Variants in EHMT1 observed in about 807,000 individuals in gnomAD.
EHMT1 encodes the protein euchromatic histone lysine methyltransferase 1.
In EHMT1, 15 loss-of-function variants were observed where a neutral mutation model predicts 147.2. The observed-to-expected ratio is 0.10, with a 90% CI of 0.07 to 0.16. The LOEUF (loss-of-function observed/expected upper bound fraction) is 0.16. EHMT1 is among the 10% of genes least tolerant of loss of function. The probability of loss-of-function intolerance (pLI) is 1.00; values close to 1 mark genes in which losing one functional copy is unlikely to be tolerated. For missense variants in EHMT1, 1,587 were observed against 1,772.4 expected, an observed-to-expected ratio of 0.90 and a Z score of 1.88; for synonymous variants, 795 against 709.6, an observed-to-expected ratio of 1.12 and a Z score of -1.91.
intron 3 of EHMT1, among the ~76,000 whole-genome samples, chr9:137,721,716 G>A (rs1404253901): frequency 6.6e-6 from 1 of 151,930 alleles, no homozygotes; most frequent in African/African-American, 2.4e-5. Context: ...CATCTTTGGT[G>A]AAATGTCTTT....
intron 16 of EHMT1, among the ~76,000 whole-genome samples, chr9:137,791,454 A>G (rs1217859512): frequency 1.3e-5 from 2 of 152,244 alleles, no homozygotes; most frequent in East Asian, 3.8e-4. Context: ...TTGCATTTCT[A>G]TATACTTTGA....
intron 18 of EHMT1, among the ~76,000 whole-genome samples, chr9:137,803,643 G>A (rs943125519): frequency 2.0e-5 from 3 of 152,066 alleles, no homozygotes; most frequent in African/African-American, 7.2e-5. Context: ...AAACCCCTGG[G>A]AGTAGAATGG....
At chr9:137,807,345 T>C (rs1386040804) in intron 18 of EHMT1, among the ~76,000 whole-genome samples, 1 of 152,196 alleles carries the variant, frequency 6.6e-6, no homozygotes, top group Admixed American at 6.5e-5. Context: ...GCTCATCCGG[T>C]CTGTGTGCTT....
chr9:137,835,974 T>C lies in EHMT1; in HGVS notation c.*1021T>C, dbSNP rs1206881625. ...AATTAGTGCAGTAACAGTGGGGTTT[T>C]TTTTGTGCAACTCTTCTAAAAACAT... is the stretch of plus-strand genomic sequence containing the variant. On this transcript the variant is annotated 3_prime_UTR_variant, in exon 27 of 27. Coordinates refer to ENST00000460843, the MANE Select transcript of EHMT1 (RefSeq NM_024757.5). 3.3e-5 allele frequency: 5 copies of C among 152,640 alleles called. No homozygotes were observed. The highest frequency in any genetic ancestry group is 7.3e-5 in the Non-Finnish European group (5 of 68,030). The allele number at this position is 152,640 out of a possible 1,614,324, so 9.5% of individuals were successfully genotyped here.
chr9:137,737,363 T>G (rs1564663705), intron 4 of EHMT1, among the ~76,000 whole-genome samples: 1 of 152,212 alleles, frequency 6.6e-6, no homozygotes, highest in African/African-American at 2.4e-5. Flanking sequence ...TTGTGTTATA[T>G]GATCAGTTGA....
At chr9:137,717,420 T>A (rs1345795306) in intron 3 of EHMT1, 1 of 621,894 alleles carries the variant, frequency 1.6e-6, no homozygotes, top group South Asian at 1.9e-5. Flanking sequence ...CTGGGCAGCG[T>A]GGCGAAACTC....
At chr9:137,806,410 G>T (rs1265873868) in intron 18 of EHMT1, among the ~76,000 whole-genome samples, 1 of 151,244 alleles carries the variant, frequency 6.6e-6, no homozygotes, top group Non-Finnish European at 1.5e-5. Context: ...CTTTTCTGTG[G>T]TGTTGGTCTG....
intron 1 of EHMT1, among the ~76,000 whole-genome samples, chr9:137,668,331 A>C (rs1939927038): frequency 3.6e-5 from 5 of 140,502 alleles, no homozygotes; most frequent in African/African-American, 8.1e-5. Context: ...CCCACCCACC[A>C]CTCACCCACC....
chr9:137,657,279 C>T (rs1435136793), intron 1 of EHMT1, among the ~76,000 whole-genome samples: 2 of 152,104 alleles, frequency 1.3e-5, no homozygotes, highest in African/African-American at 2.4e-5. Flanking sequence ...ATAGGCTTCT[C>T]CTAGAGGGAC....
chr9:137,716,870 T>G lies in EHMT1; in HGVS notation c.330T>G (p.Thr110=). The G allele has an allele frequency of 1.2e-6, 2 of 1,613,296 alleles. No individual in the cohort carries two copies. The highest frequency in any genetic ancestry group is 2.2e-5 in the South Asian group (2 of 91,092). The change falls in exon 3 of 27, where the codon ACT becomes ACG. Residue 110 remains threonine (T), a synonymous_variant. Transcript: ENST00000460843. ...DSEAAKQNHV[T]ADDFVQTSVI... is the part of the protein sequence containing the mutation. ...AAGCGGCGAAGCAAAACCACGTCAC[T>G]GCCGACGACTTTGTGCAGACTTCTG...
chr9:137,831,609 CATGCCTTG>C (rs1329456103), intron 25 of EHMT1, among the ~76,000 whole-genome samples: 1 of 152,254 alleles, frequency 6.6e-6, no homozygotes, highest in Non-Finnish European at 1.5e-5. Flanking sequence ...CTGATATTTT[CATGCCTTG>C]AAATCTTTCT....
Position 137,813,415 on chromosome 9 carries a change from C to G in EHMT1, c.3065C>G (p.Pro1022Arg), listed in dbSNP as rs1228768525. 1 of 1,613,356 alleles carries G rather than the reference C, an allele frequency of 6.2e-7. No homozygotes were observed. The highest frequency in any genetic ancestry group is 1.1e-5 in the South Asian group (1 of 90,942). Reference protein sequence around the residue: ...RDIARGYERIPIPCVNAVDSE... With the variant: ...RDIARGYERIRIPCVNAVDSE... ...ATCGCTCGAGGCTACGAGCGCATCCCCATCCCCTGTGTCAACGCCGTGGAC... is the reference window on the plus strand; with the variant it reads ...ATCGCTCGAGGCTACGAGCGCATCCGCATCCCCTGTGTCAACGCCGTGGAC... The change falls in exon 21 of 27, where the codon CCC becomes CGC. Residue 1022 changes from proline (P) to arginine (R), a missense_variant. Pro to Arg is a moderately radical substitution (Grantham distance 103). This residue lies in a region of EHMT1 where 78 missense variants were observed against 68.9 expected (regional missense o/e 1.13). Transcript: ENST00000460843. The surrounding 1 kb of genome is among the most constrained non-coding windows in gnomAD (Gnocchi z 4.9).
chr9:137,694,191 C>T (rs1273809341), intron 1 of EHMT1, among the ~76,000 whole-genome samples: 7 of 129,714 alleles, frequency 5.4e-5, no homozygotes, highest in African/African-American at 1.9e-4. Flanking sequence ...ACCCACCAGG[C>T]AATGGTGCTG....
intron 25 of EHMT1, among the ~76,000 whole-genome samples, chr9:137,827,400 C>T (rs12555172): frequency 6.6e-6 from 1 of 152,318 alleles, no homozygotes; most frequent in Admixed American, 6.5e-5. Flanking sequence ...GCCACGAACA[C>T]ACCAAAGCCT....
At chr9:137,729,290 T>C (rs1946891990) in intron 4 of EHMT1, among the ~76,000 whole-genome samples, 2 of 152,224 alleles carry the variant, frequency 1.3e-5, no homozygotes, top group Admixed American at 6.5e-5. Context: ...TTCTGGACTT[T>C]AAAAATACTT....
At chr9:137,646,223 G>T in intron 1 of EHMT1, 4 of 451,718 alleles carry the variant, frequency 8.9e-6, no homozygotes, top group Non-Finnish European at 1.2e-5. Context: ...GCCTCCCAAA[G>T]TGTTGGGATT....
At chr9:137,749,955 G>A (rs979058451) in intron 6 of EHMT1, among the ~76,000 whole-genome samples, 5 of 152,244 alleles carry the variant, frequency 3.3e-5, no homozygotes, top group African/African-American at 1.2e-4. Flanking sequence ...AGAGGCTGCT[G>A]CTTTCACCTC....
At chr9:137,675,039 A>G (rs927002773) in intron 1 of EHMT1, 1 of 151,778 alleles carries the variant, frequency 6.6e-6, no homozygotes. Flanking sequence ...TTAAAAAATT[A>G]AAAAAAAATT....
chr9:137,687,864 C>T (rs1157986335), intron 1 of EHMT1, among the ~76,000 whole-genome samples: 4 of 152,230 alleles, frequency 2.6e-5, no homozygotes, highest in Admixed American at 1.3e-4. Context: ...AGTCAGAGCA[C>T]GTCATCGTGT....
Sources: gnomAD v4.1 joint callset for allele counts (sites outside exome capture counted in the v4.1 genomes callset) on GRCh38, gnomAD v4.1.1 for gene constraint, gnomAD v4.1.1 regional missense constraint, Gnocchi (gnomAD v3.1) non-coding constraint, MANE v1.5 for transcripts, NCBI Gene and HGNC (gene_info 2026-07-23, HGNC 2026-07-21) for gene names.